Variants in FGFR1OP2 observed in about 807,000 individuals in gnomAD.
The protein encoded by FGFR1OP2 is FGFR1 oncogene partner 2.
A neutral mutation model predicts 35.2 loss-of-function variants in FGFR1OP2; 17 were observed. That is an observed-to-expected ratio of 0.48 (90% confidence interval 0.33 to 0.73). The LOEUF is 0.73. Ranked by LOEUF, FGFR1OP2 falls within the 30% of genes least tolerant of loss-of-function variation. The pLI is 0.02. For missense variants in FGFR1OP2, 251 were observed against 307.3 expected, an observed-to-expected ratio of 0.82 and a Z score of 1.37; for synonymous variants, 105 against 104.6, an observed-to-expected ratio of 1.00 and a Z score of -0.03.
intron 1 of FGFR1OP2, among the ~76,000 whole-genome samples, chr12:26,943,844 A>C (rs530829369): frequency 8.3e-4 from 126 of 152,114 alleles, no homozygotes; most frequent in African/African-American, 2.8e-3. Flanking sequence ...AAGAAAAAGA[A>C]AACTTCCCTA....
At chr12:26,949,785 G>A (rs1273592354) in intron 1 of FGFR1OP2, among the ~76,000 whole-genome samples, 3 of 149,398 alleles carry the variant, frequency 2.0e-5, no homozygotes, top group Non-Finnish European at 4.5e-5. Flanking sequence ...CATCATTATT[G>A]GTCAGGCTGG....
chr12:26,947,523 A>G (rs1265008772), intron 1 of FGFR1OP2, among the ~76,000 whole-genome samples: 1 of 152,168 alleles, frequency 6.6e-6, no homozygotes, highest in Admixed American at 6.5e-5. Flanking sequence ...CTGGGACTAC[A>G]GGCATGTGCC....
intron 3 of FGFR1OP2, 107 bp downstream of exon 3, chr12:26,956,767 ATCC>A: frequency 2.1e-6 from 1 of 474,256 alleles, no homozygotes; most frequent in Non-Finnish European, 3.7e-6. Context: ...CCTGGTTGAC[ATCC>A]TCTTAGATTC....
In FGFR1OP2 at chr12:26,960,316, TA is replaced by T. The variant is rs554349523; in HGVS notation, c.397-193del. On this transcript the variant is annotated intron_variant, in intron 4 of 6. Coordinates refer to ENST00000229395, the MANE Select transcript of FGFR1OP2 (RefSeq NM_015633.3). The stretch of plus-strand genomic sequence containing the variant: ...AACTAGAAGTTTTTGAGCACATACT[TA>T]AAAAATCAGTAGAAAGTTTGAGAGC... Among the ~76,000 whole-genome samples, 221 of 152,256 alleles carry T rather than the reference TA, an allele frequency of 1.5e-3. 1 individual carries two copies. The highest frequency in any genetic ancestry group is 4.6e-3 in the South Asian group (22 of 4,826).
intron 1 of FGFR1OP2, among the ~76,000 whole-genome samples, chr12:26,946,244 G>A (rs1938820225): frequency 6.6e-6 from 1 of 151,996 alleles, no homozygotes; most frequent in African/African-American, 2.4e-5. Flanking sequence ...TGGTGATTGG[G>A]CATTTTATCA....
chr12:26,951,332 TTTAG>T (rs1206450201), intron 1 of FGFR1OP2, among the ~76,000 whole-genome samples: 1 of 151,830 alleles, frequency 6.6e-6, no homozygotes, highest in South Asian at 2.1e-4. Flanking sequence ...TATTTATTTA[TTTAG>T]TTAGTTATTG....
At position 26,964,727 on chromosome 12, in the gene FGFR1OP2, G is replaced by T; in HGVS notation, c.756G>T (p.Lys252Asn). ...CCAACAGTGATTTGAGTCTGAGGAA[G>T]AGCTGAAGAGTTTCTGAGTCTGTGA... ...LVTNSDLSLR[K>N]S The change falls in exon 7 of 7, where the codon AAG (lysine) becomes AAT (asparagine). Residue 252 changes from lysine (K) to asparagine (N), a missense_variant. Physicochemically the swap from Lys to Asn is moderately conservative, Grantham distance 94. Coordinates refer to ENST00000229395, the MANE Select transcript of FGFR1OP2 (RefSeq NM_015633.3). 1 of 1,610,180 alleles carries T rather than the reference G, an allele frequency of 6.2e-7. No individual in the cohort carries two copies. Among genetic ancestry groups the T allele is most frequent in the African/African-American group, 1.3e-5 (1 of 74,958 alleles).
Position 26,966,183 on chromosome 12 carries a change from C to T in FGFR1OP2, c.*1450C>T, listed in dbSNP as rs1939176898. On this transcript the variant is annotated 3_prime_UTR_variant, in exon 7 of 7. Coordinates refer to ENST00000229395, the MANE Select transcript of FGFR1OP2 (RefSeq NM_015633.3). ...AATAGAAAAGGGCTAATGGCCCAAA[C>T]ATTATATAGATTTCTTTTTTTCAGT... 6.6e-6 allele frequency: 1 copy of T among 151,936 alleles called. No homozygotes were observed. The highest frequency in any genetic ancestry group is 2.4e-5 in the African/African-American group (1 of 41,390). 9.4% of individuals were successfully genotyped at this position (151,936 alleles called of 1,614,324 possible).
intron 4 of FGFR1OP2, 29 bp from the exon 5 acceptor site, chr12:26,960,486 A>C (rs565030435): frequency 1.3e-6 from 2 of 1,504,144 alleles, no homozygotes; most frequent in Non-Finnish European, 9.2e-7. Flanking sequence ...TGATATCCGT[A>C]TTAACATTAT....
chr12:26,965,148 A>T lies in FGFR1OP2; in HGVS notation c.*415A>T, dbSNP rs1396320393. The T allele has an allele frequency of 6.4e-6, 1 of 156,006 alleles. No individual in the cohort carries two copies. Among genetic ancestry groups the T allele is most frequent in the Non-Finnish European group, 1.4e-5 (1 of 70,232 alleles). The allele number at this position is 156,006 out of a possible 1,614,324, so 9.7% of individuals were successfully genotyped here. On this transcript the variant is annotated 3_prime_UTR_variant, in exon 7 of 7. Transcript: ENST00000229395. ...GATTTGTACGCTAAATTTCATCCTT[A>T]TTTGGCGTCAAAGTTGATGCAAAGT...
intron 6 of FGFR1OP2, among the ~76,000 whole-genome samples, 193 bp downstream of exon 6, chr12:26,963,648 C>A (rs992116084): frequency 1.3e-5 from 2 of 152,058 alleles, no homozygotes; most frequent in Admixed American, 1.3e-4. Flanking sequence ...TAGTAACTTA[C>A]AATATACCAG....
intron 5 of FGFR1OP2, chr12:26,961,372 G>A (rs904890962): frequency 1.3e-5 from 2 of 152,090 alleles, no homozygotes; most frequent in Non-Finnish European, 2.9e-5. Context: ...TGAAGTATTG[G>A]GTTTTTTCTC....
rs80250225 is a variant in FGFR1OP2, at chr12:26,963,507, G to T, written c.624+52G>T. The T allele has an allele frequency of 5.1e-6, 6 of 1,183,002 alleles. No homozygotes were observed. In the South Asian group the frequency reaches 8.5e-5, roughly 17 times the overall value. The allele number at this position is 1,183,002 out of a possible 1,614,324, so 73.3% of individuals were successfully genotyped here. On this transcript the variant is annotated intron_variant, in intron 6 of 6. Transcript: ENST00000229395. ...GAAAACTGTCCATATAAAGATTTAT[G>T]CCAGAAAATATATCCCATTTTTAAA...
chr12:26,966,208 T>C lies in FGFR1OP2; in HGVS notation c.*1475T>C, dbSNP rs866491653. On this transcript the variant is annotated 3_prime_UTR_variant, in exon 7 of 7. Coordinates refer to ENST00000229395, the MANE Select transcript of FGFR1OP2 (RefSeq NM_015633.3). The stretch of plus-strand genomic sequence containing the variant: ...CATTATATAGATTTCTTTTTTTCAG[T>C]CAGAGGCCTTATTTGATATTTTATA... The C allele has an allele frequency of 2.0e-5, 3 of 152,066 alleles. No homozygotes were observed. The highest frequency in any genetic ancestry group is 7.2e-5 in the African/African-American group (3 of 41,450). The allele number at this position is 152,066 out of a possible 1,614,324, so 9.4% of individuals were successfully genotyped here.
At chr12:26,963,541 T>C in intron 6 of FGFR1OP2, 86 bp downstream of exon 6, 1 of 857,600 alleles carries the variant, frequency 1.2e-6, no homozygotes, top group South Asian at 1.9e-5. Flanking sequence ...AATATATATT[T>C]ACTCTTCTTG....
chr12:26,940,596 G>A (rs1390598458), intron 1 of FGFR1OP2, among the ~76,000 whole-genome samples: 1 of 151,792 alleles, frequency 6.6e-6, no homozygotes, highest in Non-Finnish European at 1.5e-5. Context: ...ATTAATATTA[G>A]AGACACATAC....
chr12:26,940,227 A>G (rs1267461258), intron 1 of FGFR1OP2, among the ~76,000 whole-genome samples: 1 of 152,106 alleles, frequency 6.6e-6, no homozygotes, highest in Non-Finnish European at 1.5e-5. Context: ...AACTGTCACA[A>G]CTCTTTGAAC....
rs1004599091 is a variant in FGFR1OP2 at position 26,952,969 on chromosome 12, A to G, written c.-14-1176A>G. On this transcript the variant is annotated intron_variant, in intron 1 of 6. Transcript: ENST00000229395. ...ACGTTAGGTAAAACTTAGTAGAAAG[A>G]TAAAAGATTTCAGCTGGGCACGGTG... is the stretch of plus-strand genomic sequence containing the variant. Among the ~76,000 whole-genome samples the G allele has an allele frequency of 2.6e-5, 4 of 152,120 alleles. No homozygotes were observed. The East Asian group carries it at 7.7e-4, about 29-fold the overall frequency.
At chr12:26,954,424 C>T (rs1196951057) in intron 2 of FGFR1OP2, 131 bp downstream of exon 2, 1 of 1,107,638 alleles carries the variant, frequency 9.0e-7, no homozygotes, top group Non-Finnish European at 1.2e-6. Context: ...TTGTGTGTTT[C>T]AGGTTTACTT....
Sources: gnomAD v4.1 joint callset for allele counts (sites outside exome capture counted in the v4.1 genomes callset) on GRCh38, gnomAD v4.1.1 for gene constraint, MANE v1.5 for transcripts, NCBI Gene and HGNC (gene_info 2026-07-23, HGNC 2026-07-21) for gene names.